TENM3: variants seen among roughly 807,000 people sequenced by gnomAD.
TENM3 encodes teneurin-3.
TENM3 carries 63 observed loss-of-function variants against 255.1 expected under a neutral mutation model. The ratio of observed to expected loss-of-function variants is 0.25; its 90% CI spans 0.20 to 0.30. TENM3 has a LOEUF of 0.30. Among genes scored for constraint, TENM3 ranks in the 10% least tolerant of loss-of-function variants. TENM3 has a pLI of 1.00. For missense variants in TENM3, 2,929 were observed against 3,461.1 expected (o/e 0.85, Z 3.86); for synonymous variants, 1,306 against 1,322.3 (o/e 0.99, Z 0.27).
the TENM3 span, among the ~76,000 whole-genome samples, chr4:181,473,792 T>C: frequency 6.7e-6 from 1 of 150,066 alleles, no homozygotes; most frequent in Non-Finnish European, 1.5e-5. Flanking sequence ...TATGTATGTG[T>C]ACCCACATAT....
At chr4:181,721,933 A>T in the TENM3 span, among the ~76,000 whole-genome samples, 4 of 152,100 alleles carry the variant, frequency 2.6e-5, no homozygotes, top group Admixed American at 2.6e-4. Flanking sequence ...TGCCCGTGGG[A>T]GATGCATGTG....
At chr4:181,997,250 T>G in the TENM3 span, among the ~76,000 whole-genome samples, 1 of 152,152 alleles carries the variant, frequency 6.6e-6, no homozygotes, top group African/African-American at 2.4e-5. Context: ...AAGATGATAG[T>G]GGCCATTTTA....
the TENM3 span, among the ~76,000 whole-genome samples, chr4:181,880,656 A>G: frequency 4.6e-5 from 7 of 152,336 alleles, no homozygotes; most frequent in South Asian, 8.3e-4. Context: ...ACAATAGTCC[A>G]TGGCACTTTA....
chr4:182,334,031 A>T (rs1180402064), intron 2 of TENM3, among the ~76,000 whole-genome samples: 1 of 152,214 alleles, frequency 6.6e-6, no homozygotes, highest in Non-Finnish European at 1.5e-5. Context: ...GACAAGTTAC[A>T]TAATTTCTCT....
the TENM3 span, among the ~76,000 whole-genome samples, chr4:181,567,269 G>A: frequency 3.3e-5 from 5 of 151,948 alleles, no homozygotes; most frequent in African/African-American, 4.8e-5. Flanking sequence ...TAAGTTCTGC[G>A]CCCTTAGTAA....
At chr4:181,544,431 A>AAAAAAAAAAAAAAAAAAAAAAAAAC in the TENM3 span, among the ~76,000 whole-genome samples, 1 of 143,318 alleles carries the variant, frequency 7.0e-6, no homozygotes, top group African/African-American at 2.6e-5. Flanking sequence ...AAAAAAAAAA[A>AAAAAAAAAAAAAAAAAAAAAAAAAC]AAAAACTATA....
At chr4:181,925,908 C>G in the TENM3 span, among the ~76,000 whole-genome samples, 1 of 152,130 alleles carries the variant, frequency 6.6e-6, no homozygotes, top group Admixed American at 6.5e-5. Context: ...TATTGTGATT[C>G]TAGAGATTGG....
At chr4:182,484,099 C>G (rs1432165384) in intron 3 of TENM3, among the ~76,000 whole-genome samples, 3 of 152,194 alleles carry the variant, frequency 2.0e-5, no homozygotes, top group Non-Finnish European at 4.4e-5. Context: ...ATGACAATGA[C>G]TAGACACCCA....
chr4:181,643,607 G>C, the TENM3 span, among the ~76,000 whole-genome samples: 1 of 109,058 alleles, frequency 9.2e-6, no homozygotes. Context: ...TCAAAATGGA[G>C]CAGAGCTGCA....
At position 182,369,155 on chromosome 4, in the gene TENM3, C is replaced by A. The variant is rs536307291; in HGVS notation, c.511+22226C>A. On this transcript the variant is annotated intron_variant, in intron 3 of 27. Transcript: ENST00000511685. ...TTGTTGTTACTGTTCTTCAGAAAAA[C>A]CAGTATATGAAAATCTAAATGGCAG... 2.8e-4 allele frequency among the ~76,000 whole-genome samples: 42 copies of A among 152,276 alleles called. 1 individual carries two copies. The East Asian group carries it at 8.1e-3, about 29-fold the overall frequency.
chr4:182,724,746 G>T (rs1760031783), intron 13 of TENM3, among the ~76,000 whole-genome samples: 1 of 152,186 alleles, frequency 6.6e-6, no homozygotes, highest in Admixed American at 6.5e-5. Context: ...GGAGAAGAGG[G>T]TAAGGAGCAC....
the TENM3 span, among the ~76,000 whole-genome samples, chr4:181,460,287 C>A: frequency 2.0e-5 from 3 of 151,972 alleles, no homozygotes; most frequent in South Asian, 2.1e-4. Context: ...AATTTCCAAA[C>A]GTGCTAGGGT....
chr4:181,726,760 G>A, the TENM3 span, among the ~76,000 whole-genome samples: 1 of 152,126 alleles, frequency 6.6e-6, no homozygotes, highest in African/African-American at 2.4e-5. Context: ...CCCACAGGTT[G>A]AGGGCTCAGT....
the TENM3 span, among the ~76,000 whole-genome samples, chr4:181,831,917 G>A: frequency 6.6e-6 from 1 of 151,024 alleles, no homozygotes; most frequent in South Asian, 2.1e-4. Context: ...TGTCAACCCT[G>A]CATGAAGCAT....
the TENM3 span, among the ~76,000 whole-genome samples, chr4:181,806,831 T>C: frequency 6.6e-6 from 1 of 152,254 alleles, no homozygotes; most frequent in Non-Finnish European, 1.5e-5. Flanking sequence ...GGGCCTTTGC[T>C]TCCATGGGCT....
chr4:181,482,704 C>T, the TENM3 span, among the ~76,000 whole-genome samples: 1 of 152,126 alleles, frequency 6.6e-6, no homozygotes, highest in Non-Finnish European at 1.5e-5. Context: ...GTCACTTTTG[C>T]CTCCGCCAGG....
chr4:182,003,422 G>A, the TENM3 span, among the ~76,000 whole-genome samples: 1 of 151,990 alleles, frequency 6.6e-6, no homozygotes, highest in East Asian at 1.9e-4. Flanking sequence ...TACCCCATGG[G>A]TAACCAGCTT....
In TENM3 at chr4:182,673,049, G is replaced by A. The variant is rs750160895; in HGVS notation, c.1156G>A (p.Gly386Arg). 2.9e-5 allele frequency: 47 copies of A among 1,605,826 alleles called. No homozygotes were observed. The highest frequency in any genetic ancestry group is 2.0e-4 in the East Asian group (9 of 44,744). ...GCAAGAAAATAACACCATAGATTCCGGAGAACTTGATATTGGCCGAAGAGC... is the reference window on the plus strand; with the variant it reads ...GCAAGAAAATAACACCATAGATTCCAGAGAACTTGATATTGGCCGAAGAGC... ...FTQENNTIDS[G>R]ELDIGRRAIQ... is the part of the protein sequence containing the mutation. The change falls in exon 7 of 28, where the codon GGA becomes AGA. Residue 386 changes from glycine to arginine, a missense_variant. By Grantham distance (125) the Gly-to-Arg change is moderately radical. This residue lies in a region of TENM3 where 1,608 missense variants were observed against 1,884.4 expected (regional missense o/e 0.85). Transcript: ENST00000511685.
chr4:181,992,633 T>C, the TENM3 span, among the ~76,000 whole-genome samples: 1 of 152,144 alleles, frequency 6.6e-6, no homozygotes, highest in Non-Finnish European at 1.5e-5. Context: ...TGGCAACAAA[T>C]TTTGCAAGTT....
Sources: allele counts gnomAD v4.1 joint callset (sites outside exome capture counted in the v4.1 genomes callset), GRCh38; gene constraint gnomAD v4.1.1; regional missense constraint gnomAD v4.1.1; transcripts MANE v1.5; gene names NCBI Gene and HGNC (gene_info 2026-07-23, HGNC 2026-07-21).